Variants in WEE2 observed in about 807,000 individuals in gnomAD.
The protein encoded by WEE2 is WEE2 oocyte meiosis inhibiting kinase, also known as wee1-like protein kinase 2.
WEE2 carries 50 observed loss-of-function variants against 60.1 expected under a neutral mutation model. That is an observed-to-expected ratio of 0.83 (90% CI 0.66 to 1.05). WEE2 has a LOEUF of 1.05. Ranked by LOEUF, WEE2 falls within the 50% of genes least tolerant of loss-of-function variation. WEE2 has a pLI of 0.00. For missense variants in WEE2, 631 were observed against 684.3 expected, an observed-to-expected ratio of 0.92 and a Z score of 0.87; for synonymous variants, 240 against 241.0, an observed-to-expected ratio of 1.00 and a Z score of 0.04.
rs758604589 is a variant in WEE2 at position 141,730,412 on chromosome 7, A to G, written c.*92A>G. Reference sequence around the variant, plus strand: ...ACCAAAGATCCCAGGGACTCGTTGTACATAGAAAGGAATAGAATTTAGTTT... The same window carrying G: ...ACCAAAGATCCCAGGGACTCGTTGTGCATAGAAAGGAATAGAATTTAGTTT... On this transcript the variant is annotated 3_prime_UTR_variant, in exon 12 of 12. Transcript: ENST00000397541. The G allele has an allele frequency of 4.2e-6, 5 of 1,182,888 alleles. No individual in the cohort carries two copies. The highest frequency in any genetic ancestry group is 5.0e-6 in the Non-Finnish European group (4 of 808,062). The allele number at this position is 1,182,888 out of a possible 1,614,324, so 73.3% of individuals were successfully genotyped here. A position where few individuals can be genotyped will look rare whatever the true frequency, so the allele number is the denominator to read the frequency against.
At chr7:141,729,047 C>A (rs1488622135) in intron 10 of WEE2, among the ~76,000 whole-genome samples, 1 of 152,194 alleles carries the variant, frequency 6.6e-6, no homozygotes, top group Non-Finnish European at 1.5e-5. Context: ...CTGTGACGGG[C>A]TAGAGAGTAA....
At chr7:141,718,139 A>G (rs932187228) in intron 3 of WEE2, among the ~76,000 whole-genome samples, 1 of 152,176 alleles carries the variant, frequency 6.6e-6, no homozygotes, top group African/African-American at 2.4e-5. Context: ...CCAGAATTAG[A>G]TGTTGAAAAT....
In WEE2 at chr7:141,725,032, CG is replaced by C. The variant is rs1425145031; in HGVS notation, c.1230del (p.His411ThrfsTer12). The C allele has an allele frequency of 6.2e-7, 1 of 1,613,044 alleles. No homozygotes were observed. The highest frequency in any genetic ancestry group is 1.1e-5 in the South Asian group (1 of 90,868). On this transcript the variant is annotated frameshift_variant, in exon 9 of 12. Transcript: ENST00000397541. LOFTEE classifies it high-confidence loss of function. ...LANEILQEDY[R>X]HLPKADIFAL... is the part of the protein sequence containing the mutation. ...CCTGTCTTCTGTTTTGAAGGATTAC[CG>C]GCACCTTCCCAAAGCAGACATATTT... is the stretch of plus-strand genomic sequence containing the variant.
At chr7:141,724,136 C>A (rs1798969708) in intron 7 of WEE2, 54 bp from the exon 8 acceptor site, 2 of 1,581,590 alleles carry the variant, frequency 1.3e-6, no homozygotes, top group African/African-American at 1.4e-5. Context: ...GAAAGACATG[C>A]TTTTAAAGCT....
At chr7:141,721,421 C>T (rs139396494) in intron 5 of WEE2, among the ~76,000 whole-genome samples, 4 of 152,234 alleles carry the variant, frequency 2.6e-5, no homozygotes, top group Non-Finnish European at 5.9e-5. Flanking sequence ...TTGGTAGCAC[C>T]TCATGACCTC....
At chr7:141,714,927 T>A (rs73518099) in intron 2 of WEE2, among the ~76,000 whole-genome samples, 3 of 152,188 alleles carry the variant, frequency 2.0e-5, no homozygotes, top group African/African-American at 7.2e-5. Flanking sequence ...TAAAGGGCCC[T>A]GAATGACAGA....
Position 141,730,619 on chromosome 7 carries a change from A to C in WEE2, c.*299A>C. On this transcript the variant is annotated 3_prime_UTR_variant, in exon 12 of 12. Transcript: ENST00000397541. ...TTTCACCATTATGTGAGGTGGGTAA[A>C]AGTTAGACTGCATGCAACTTGGACA... 3.5e-6 allele frequency: 1 copy of C among 282,248 alleles called. No homozygotes were observed. The highest frequency in any genetic ancestry group is 6.5e-6 in the Non-Finnish European group (1 of 152,944). The allele number at this position is 282,248 out of a possible 1,614,324, so 17.5% of individuals were successfully genotyped here.
intron 5 of WEE2, among the ~76,000 whole-genome samples, chr7:141,722,348 C>T (rs367874757): frequency 9.9e-5 from 15 of 151,864 alleles, no homozygotes; most frequent in African/African-American, 2.2e-4. Context: ...GAGGTTGCAG[C>T]GAGCCGAGAC....
rs775864094 is a variant in WEE2 at position 141,708,887 on chromosome 7, G to A, written c.129G>A (p.Lys43=). The change falls in exon 1 of 12, where the codon AAG becomes AAA. Residue 43 remains lysine (K), a synonymous_variant. Coordinates refer to ENST00000397541, the MANE Select transcript of WEE2 (RefSeq NM_001105558.1). ...SREASSQTPE[K]GEVQDSEAKG... is the part of the protein sequence containing the mutation. The stretch of plus-strand genomic sequence containing the variant: ...AGGCTTCGAGCCAAACCCCAGAGAA[G>A]GGTGAAGTGCAGGATTCAGAGGCAA... 24 of 1,614,078 alleles carry A rather than the reference G, an allele frequency of 1.5e-5. No individual in the cohort carries two copies. In the African/African-American group the frequency reaches 2.9e-4, roughly 20 times the overall value.
chr7:141,710,620 C>G (rs563346502), intron 1 of WEE2, among the ~76,000 whole-genome samples: 1 of 152,302 alleles, frequency 6.6e-6, no homozygotes, highest in African/African-American at 2.4e-5. Flanking sequence ...TCAGGGAAGA[C>G]TTTCCAAAGA....
rs1386985663 is a variant in WEE2, at chr7:141,730,710, A to C, written c.*390A>C. 6.0e-6 allele frequency: 1 copy of C among 167,042 alleles called. No individual in the cohort carries two copies. The highest frequency in any genetic ancestry group is 1.3e-5 in the Non-Finnish European group (1 of 78,420). The allele number at this position is 167,042 out of a possible 1,614,324, so 10.3% of individuals were successfully genotyped here. A position where few individuals can be genotyped will look rare whatever the true frequency, so the allele number is the denominator to read the frequency against. The stretch of plus-strand genomic sequence containing the variant: ...GGGGAGAGGCTTCAGGGAAAACTTG[A>C]TGTGCCTGTGGTTGTTCTCCATCTA... On this transcript the variant is annotated 3_prime_UTR_variant, in exon 12 of 12. Coordinates refer to ENST00000397541, the MANE Select transcript of WEE2 (RefSeq NM_001105558.1).
Position 141,724,200 on chromosome 7 carries a change from C to T in WEE2, c.1146C>T (p.Gly382=). ...ANVMYKIGDL[G]HATSINKPKV... ...TTTTCTTTTTTTTAGGTGACCTGGG[C>T]CACGCAACATCAATAAACAAACCCA... The change falls in exon 8 of 12, where the codon GGC becomes GGT. Residue 382 remains glycine (G), a synonymous_variant. Coordinates refer to ENST00000397541, the MANE Select transcript of WEE2 (RefSeq NM_001105558.1). 2 of 1,611,424 alleles carry T rather than the reference C, an allele frequency of 1.2e-6. No individual in the cohort carries two copies. Among genetic ancestry groups the T allele is most frequent in the Non-Finnish European group, 1.7e-6 (2 of 1,179,386 alleles).
At chr7:141,729,075 G>A (rs1799076640) in intron 10 of WEE2, among the ~76,000 whole-genome samples, 1 of 152,132 alleles carries the variant, frequency 6.6e-6, no homozygotes, top group South Asian at 2.1e-4. Flanking sequence ...ATGCTTTGTG[G>A]GCCATATGCT....
At chr7:141,718,605 G>T (rs1438561912) in intron 3 of WEE2, among the ~76,000 whole-genome samples, 1 of 151,978 alleles carries the variant, frequency 6.6e-6, no homozygotes, top group Non-Finnish European at 1.5e-5. Context: ...TGGTATTTTT[G>T]GGAAAAGAAA....
Position 141,723,288 on chromosome 7 carries a change from T to C in WEE2, c.1027+8T>C, listed in dbSNP as rs771999653. On this transcript the variant is annotated splice_region_variant and intron_variant, in intron 6 of 11. Coordinates refer to ENST00000397541, the MANE Select transcript of WEE2 (RefSeq NM_001105558.1). ...ACCTGGACATCAAACCTAGTCAGTG[T>C]GATTCCCTTCTGCCACTTCTACCGT... 6.2e-7 allele frequency: 1 copy of C among 1,612,608 alleles called. No individual in the cohort carries two copies. The highest frequency in any genetic ancestry group is 8.5e-7 in the Non-Finnish European group (1 of 1,179,324).
At chr7:141,728,648 C>A (rs1409914349) in intron 10 of WEE2, among the ~76,000 whole-genome samples, 1 of 152,156 alleles carries the variant, frequency 6.6e-6, no homozygotes, top group African/African-American at 2.4e-5. Flanking sequence ...ATGGGGCAGA[C>A]AGCATCTTGA....
At chr7:141,719,314 T>A in intron 4 of WEE2, 70 bp downstream of exon 4, 1 of 1,385,954 alleles carries the variant, frequency 7.2e-7, no homozygotes, top group Non-Finnish European at 9.8e-7. Context: ...CAAATTATTT[T>A]AAATTAAAGC....
intron 10 of WEE2, chr7:141,727,681 G>C: frequency 2.0e-6 from 1 of 490,276 alleles, no homozygotes; most frequent in Non-Finnish European, 3.6e-6. Context: ...AACAAAGGAA[G>C]CAAGAGTGAG....
At chr7:141,712,069 A>G (rs984257497) in intron 1 of WEE2, among the ~76,000 whole-genome samples, 1 of 152,142 alleles carries the variant, frequency 6.6e-6, no homozygotes, top group African/African-American at 2.4e-5. Flanking sequence ...TCAACATGAT[A>G]TCCAAATGAT....
Sources: gnomAD v4.1 joint callset for allele counts (sites outside exome capture counted in the v4.1 genomes callset) on GRCh38, gnomAD v4.1.1 for gene constraint, MANE v1.5 for transcripts, NCBI Gene and HGNC (gene_info 2026-07-23, HGNC 2026-07-21) for gene names.